MAK16: variants seen among roughly 807,000 people sequenced by gnomAD.
MAK16 encodes MAK16 homolog.
Under a neutral mutation model 49.9 loss-of-function variants are expected in MAK16, and 12 were observed. The observed-to-expected ratio is 0.24, with a 90% CI of 0.15 to 0.39. The LOEUF is 0.39. Among genes scored for constraint, MAK16 ranks in the 10% least tolerant of loss-of-function variants. The probability of loss-of-function intolerance (pLI) is 1.00; values close to 1 mark genes in which losing one functional copy is unlikely to be tolerated. For missense variants in MAK16, 292 were observed against 363.7 expected, an observed-to-expected ratio of 0.80 and a Z score of 1.60; for synonymous variants, 115 against 126.4, an observed-to-expected ratio of 0.91 and a Z score of 0.60.
intron 6 of MAK16, among the ~76,000 whole-genome samples, chr8:33,490,890 C>T (rs1461068441): frequency 6.6e-6 from 1 of 152,154 alleles, no homozygotes; most frequent in African/African-American, 2.4e-5. Flanking sequence ...TTTCATTCTT[C>T]CTATTTTTTT....
Position 33,498,837 on chromosome 8 carries a change from A to G in MAK16, c.*208A>G. On this transcript the variant is annotated 3_prime_UTR_variant, in exon 10 of 10. Coordinates refer to ENST00000360128, the MANE Select transcript of MAK16 (RefSeq NM_032509.4). ...AAGTTGTGAACAAGAGTGTTTTTAT[A>G]GCATATGTGTTGAAGTAACAGCTTG... The G allele has an allele frequency of 1.7e-6, 1 of 605,436 alleles. No individual in the cohort carries two copies. Among genetic ancestry groups the G allele is most frequent in the Non-Finnish European group, 2.9e-6 (1 of 346,330 alleles). The allele number at this position is 605,436 out of a possible 1,614,324, so 37.5% of individuals were successfully genotyped here.
Position 33,496,633 on chromosome 8 carries a change from C to A in MAK16, c.531C>A (p.Asp177Glu). The change falls in exon 8 of 10, where the codon GAC becomes GAA. Residue 177 changes from aspartate to glutamate, a missense_variant. Transcript: ENST00000360128. ...GTGTTTATGTTCTTCAGTATGGCGA[C>A]ATCTACAACTTCCCCATTCATGCCT... ...LERLKQDTYG[D>E]IYNFPIHAFD... 6.2e-7 allele frequency: 1 copy of A among 1,612,474 alleles called. No homozygotes were observed. Among genetic ancestry groups the A allele is most frequent in the South Asian group, 1.1e-5 (1 of 90,952 alleles).
chr8:33,487,536 C>G (rs1808707742), intron 1 of MAK16, among the ~76,000 whole-genome samples: 1 of 151,818 alleles, frequency 6.6e-6, no homozygotes, highest in Admixed American at 6.6e-5. Context: ...AGCGATTCTC[C>G]TGCCTCAGCC....
At chr8:33,488,913 A>T (rs1808731868) in intron 4 of MAK16, 75 bp from the exon 5 acceptor site, 2 of 1,604,302 alleles carry the variant, frequency 1.2e-6, no homozygotes, top group Admixed American at 3.3e-5. Flanking sequence ...TCATTAGGCC[A>T]TGGGTGTCAC....
At chr8:33,488,338 G>T in intron 1 of MAK16, 40 bp from the exon 2 acceptor site, 1 of 1,600,798 alleles carries the variant, frequency 6.2e-7, no homozygotes, top group East Asian at 2.2e-5. Context: ...GTATCTCTTG[G>T]GGCAGAGGAT....
chr8:33,499,573 G>T lies in MAK16; in HGVS notation c.*944G>T, dbSNP rs768690797. 3.3e-6 allele frequency: 1 copy of T among 302,054 alleles called. No individual in the cohort carries two copies. The highest frequency in any genetic ancestry group is 7.3e-5 in the East Asian group (1 of 13,680). 18.7% of individuals were successfully genotyped at this position (302,054 alleles called of 1,614,324 possible). The stretch of plus-strand genomic sequence containing the variant: ...GCAAATTCAGTTGGATCTAGGGCTT[G>T]AAAACTGCCCAAGATTAAAGAGCTA... On this transcript the variant is annotated 3_prime_UTR_variant, in exon 10 of 10. Coordinates refer to ENST00000360128, the MANE Select transcript of MAK16 (RefSeq NM_032509.4).
At chr8:33,494,506 G>A (rs902711145) in intron 6 of MAK16, among the ~76,000 whole-genome samples, 1 of 152,172 alleles carries the variant, frequency 6.6e-6, no homozygotes, top group African/African-American at 2.4e-5. Context: ...CAGTTAAATA[G>A]TCGTCTAAAT....
At chr8:33,497,527 C>G (rs1808891164) in intron 9 of MAK16, among the ~76,000 whole-genome samples, 1 of 151,620 alleles carries the variant, frequency 6.6e-6, no homozygotes, top group African/African-American at 2.4e-5. Flanking sequence ...AAGTTTCGCT[C>G]TGTAGCTCAG....
Position 33,501,168 on chromosome 8 carries a change from A to G in MAK16, c.*2539A>G, listed in dbSNP as rs905507735. ...GTATTTTTACCACAATAAACAAAAA[A>G]CCCTAAAAAAACTTTAATGAAAGGT... On this transcript the variant is annotated 3_prime_UTR_variant, in exon 10 of 10. Coordinates refer to ENST00000360128, the MANE Select transcript of MAK16 (RefSeq NM_032509.4). 1 of 152,184 alleles carries G rather than the reference A, an allele frequency of 6.6e-6. No homozygotes were observed. The highest frequency in any genetic ancestry group is 2.4e-5 in the African/African-American group (1 of 41,438). The allele number at this position is 152,184 out of a possible 1,614,324, so 9.4% of individuals were successfully genotyped here.
intron 1 of MAK16, chr8:33,485,638 T>A (rs899038773): frequency 3.3e-4 from 81 of 243,198 alleles, no homozygotes; most frequent in African/African-American, 1.7e-3. Flanking sequence ...CTGTGTAGGC[T>A]TTTCTTTACA....
intron 1 of MAK16, among the ~76,000 whole-genome samples, chr8:33,488,088 C>T (rs1322365200): frequency 6.6e-6 from 1 of 152,112 alleles, no homozygotes; most frequent in African/African-American, 2.4e-5. Flanking sequence ...GCCACCATGC[C>T]CAGCTAATTT....
chr8:33,488,715 T>A lies in MAK16; in HGVS notation c.176-19T>A. The A allele has an allele frequency of 6.2e-7, 1 of 1,613,746 alleles. No homozygotes were observed. On this transcript the variant is annotated intron_variant, in intron 3 of 9. Coordinates refer to ENST00000360128, the MANE Select transcript of MAK16 (RefSeq NM_032509.4). Reference sequence around the variant, plus strand: ...TAGTTTCTGTAAATAACACTAAAGCTATTTTACTTTATCTTCAGGACAGTG... The same window carrying A: ...TAGTTTCTGTAAATAACACTAAAGCAATTTTACTTTATCTTCAGGACAGTG...
At position 33,489,159 on chromosome 8, in the gene MAK16, A is replaced by C; in HGVS notation, c.392+20A>C. On this transcript the variant is annotated intron_variant, in intron 5 of 9. Transcript: ENST00000360128. The surrounding 1 kb of genome is among the most constrained non-coding windows in gnomAD (Gnocchi z 4.2). ...GCGACAGTAAGTATTTGGATCATTC[A>C]TTATTTTTAAATCTCTCTTTTTATG... The C allele has an allele frequency of 6.3e-7, 1 of 1,588,322 alleles. No homozygotes were observed. The highest frequency in any genetic ancestry group is 1.1e-5 in the South Asian group (1 of 87,928).
chr8:33,490,168 C>G, intron 5 of MAK16, 117 bp from the exon 6 acceptor site: 1 of 768,784 alleles, frequency 1.3e-6, no homozygotes, highest in Admixed American at 2.6e-5. Flanking sequence ...GCCATCCTGC[C>G]CTGCACATGA....
chr8:33,485,393 G>T (rs1808669970), intron 1 of MAK16, 172 bp downstream of exon 1: 5 of 839,348 alleles, frequency 6.0e-6, no homozygotes, highest in Admixed American at 2.1e-5. Context: ...TCTAGCAGGG[G>T]TTTACTGCCC....
Position 33,498,817 on chromosome 8 carries a change from G to T in MAK16, c.*188G>T. The T allele has an allele frequency of 1.6e-6, 1 of 621,556 alleles. No homozygotes were observed. The highest frequency in any genetic ancestry group is 2.8e-6 in the Non-Finnish European group (1 of 358,268). The allele number at this position is 621,556 out of a possible 1,614,324, so 38.5% of individuals were successfully genotyped here. On this transcript the variant is annotated 3_prime_UTR_variant, in exon 10 of 10. Coordinates refer to ENST00000360128, the MANE Select transcript of MAK16 (RefSeq NM_032509.4). ...TGGAGTGAGTGAAGAAAGCTAAGTTGTGAACAAGAGTGTTTTTATAGCATA... is the reference window on the plus strand; with the variant it reads ...TGGAGTGAGTGAAGAAAGCTAAGTTTTGAACAAGAGTGTTTTTATAGCATA...
intron 9 of MAK16, 46 bp downstream of exon 9, chr8:33,497,343 AAAAAAAAAAAAC>A (rs764929293): frequency 6.2e-6 from 8 of 1,286,714 alleles, no homozygotes; most frequent in Middle Eastern, 2.0e-4. Context: ...TGCAGCAAAA[AAAAAAAAAAAAC>A]AAAAACAGGG....
intron 9 of MAK16, among the ~76,000 whole-genome samples, chr8:33,497,653 C>T (rs1223663507): frequency 2.6e-5 from 4 of 151,990 alleles, no homozygotes; most frequent in East Asian, 3.9e-4. Context: ...CCACTCCACC[C>T]GGCTAATTTT....
rs1808979601 is a variant in MAK16, at chr8:33,499,377, A to G, written c.*748A>G. 1.2e-6 allele frequency: 1 copy of G among 865,788 alleles called. No homozygotes were observed. Among genetic ancestry groups the G allele is most frequent in the Non-Finnish European group, 1.9e-6 (1 of 523,886 alleles). 53.6% of individuals were successfully genotyped at this position (865,788 alleles called of 1,614,324 possible). ...CCTTGGTATCATATTCAAAGGAGGA[A>G]AGAATGGATGACACTTAGGGACAGG... On this transcript the variant is annotated 3_prime_UTR_variant, in exon 10 of 10. Transcript: ENST00000360128.
Sources: gnomAD v4.1 joint callset for allele counts (sites outside exome capture counted in the v4.1 genomes callset) on GRCh38, gnomAD v4.1.1 for gene constraint, Gnocchi (gnomAD v3.1) non-coding constraint, MANE v1.5 for transcripts, NCBI Gene and HGNC (gene_info 2026-07-23, HGNC 2026-07-21) for gene names.